The following VTI1B variants were observed in gnomAD, a reference collection of about 807,000 sequenced individuals.
VTI1B encodes the protein vesicle transport through interaction with t-SNAREs 1B.
Under a neutral mutation model 28.6 loss-of-function variants are expected in VTI1B, and 18 were observed. That is an observed-to-expected ratio of 0.63 (90% CI 0.43 to 0.93). The LOEUF (loss-of-function observed/expected upper bound fraction) is 0.93, where lower values mean the gene tolerates loss of function less well. VTI1B is among the 40% of genes least tolerant of loss of function. VTI1B has a pLI of 0.00. For missense variants in VTI1B, 283 were observed against 297.0 expected (o/e 0.95, Z 0.35); for synonymous variants, 100 against 107.9 (o/e 0.93, Z 0.46).
intron 1 of VTI1B, among the ~76,000 whole-genome samples, chr14:67,673,414 T>C (rs1201871673): frequency 6.6e-6 from 1 of 152,206 alleles, no homozygotes; most frequent in Non-Finnish European, 1.5e-5. Flanking sequence ...TGATTTACTT[T>C]CCTGTATTCT....
rs3742879 is a variant in VTI1B at position 67,648,284 on chromosome 14, A to G, written c.*3101T>C. On this transcript the variant is annotated 3_prime_UTR_variant, in exon 6 of 6. Coordinates refer to ENST00000554659, the MANE Select transcript of VTI1B (RefSeq NM_006370.3). ...TTTCTGCTATTCCACATCATTGCAG[A>G]GTTTGTTTTTGCTTAAACTTTTGTA... 0.27 allele frequency: 365,652 copies of G among 1,362,416 alleles called. 55,030 individuals are homozygous for G. The highest frequency in any genetic ancestry group is 0.31 in the Non-Finnish European group (313,121 of 1,012,322). 84.4% of individuals were successfully genotyped at this position (1,362,416 alleles called of 1,614,324 possible).
At chr14:67,663,314 T>C in intron 1 of VTI1B, 1 of 638,850 alleles carries the variant, frequency 1.6e-6, no homozygotes, top group Admixed American at 3.5e-5. Context: ...GATAGCAAGT[T>C]TCATTTTTAA....
chr14:67,657,621 CA>C (rs1459029798), intron 3 of VTI1B, among the ~76,000 whole-genome samples: 2 of 138,168 alleles, frequency 1.4e-5, no homozygotes, highest in Non-Finnish European at 3.0e-5. Flanking sequence ...CACACACACA[CA>C]CCCAAAATCA....
chr14:67,648,086 A>G lies in VTI1B; in HGVS notation c.*3299T>C. ...TCCATTTGAGTTTTGATATTGATGC[A>G]TTTGACCCTACACTGGCTCCAGCCA... On this transcript the variant is annotated 3_prime_UTR_variant, in exon 6 of 6. Transcript: ENST00000554659. The G allele has an allele frequency of 6.2e-7, 1 of 1,613,834 alleles. No individual in the cohort carries two copies. The highest frequency in any genetic ancestry group is 8.5e-7 in the Non-Finnish European group (1 of 1,179,820).
intron 3 of VTI1B, among the ~76,000 whole-genome samples, chr14:67,658,586 G>A (rs1371529682): frequency 6.6e-6 from 1 of 151,930 alleles, no homozygotes; most frequent in Non-Finnish European, 1.5e-5. Context: ...GACAGAGCGA[G>A]ACTCCGTCTC....
chr14:67,660,940 A>G (rs538237996), intron 2 of VTI1B, among the ~76,000 whole-genome samples: 2 of 152,338 alleles, frequency 1.3e-5, no homozygotes, highest in East Asian at 3.9e-4. Flanking sequence ...AAAAGCTCCC[A>G]GTACTCCCAT....
rs1469401058 is a variant in VTI1B at position 67,648,008 on chromosome 14, G to A, written c.*3377C>T. The A allele has an allele frequency of 1.3e-6, 2 of 1,541,730 alleles. No individual in the cohort carries two copies. The highest frequency in any genetic ancestry group is 1.4e-5 in the African/African-American group (1 of 72,690). On this transcript the variant is annotated 3_prime_UTR_variant, in exon 6 of 6. Coordinates refer to ENST00000554659, the MANE Select transcript of VTI1B (RefSeq NM_006370.3). ...TGAGTGTCCAAGGACAACCAGTTAA[G>A]TATTATTTTAAGTATTATTTTATCC...
At chr14:67,658,789 G>A (rs1045235910) in intron 3 of VTI1B, among the ~76,000 whole-genome samples, 24 of 152,076 alleles carry the variant, frequency 1.6e-4, no homozygotes, top group Non-Finnish European at 2.6e-4. Context: ...AATCCCTCGC[G>A]CATCCATTTG....
At chr14:67,671,112 G>A (rs969126524) in intron 1 of VTI1B, among the ~76,000 whole-genome samples, 2 of 152,202 alleles carry the variant, frequency 1.3e-5, no homozygotes, top group Admixed American at 6.5e-5. Context: ...AACATTTATT[G>A]AGCAGTGTGA....
chr14:67,657,151 AC>A, intron 3 of VTI1B: 1 of 152,092 alleles, frequency 6.6e-6, no homozygotes, highest in East Asian at 1.9e-4. Flanking sequence ...CCAAGTACTA[AC>A]CTGGCCTGAC....
chr14:67,654,138 A>T (rs376925758), intron 4 of VTI1B, among the ~76,000 whole-genome samples: 1 of 151,942 alleles, frequency 6.6e-6, no homozygotes, highest in African/African-American at 2.4e-5. Context: ...ACAGGGTCTC[A>T]CTCCGTCACT....
chr14:67,665,376 A>G (rs2037389477), intron 1 of VTI1B, among the ~76,000 whole-genome samples: 1 of 151,436 alleles, frequency 6.6e-6, no homozygotes, highest in Non-Finnish European at 1.5e-5. Flanking sequence ...TGCTCAAGCA[A>G]TTCTCCTGCC....
At chr14:67,659,597 G>T in intron 3 of VTI1B, 134 bp downstream of exon 3, 1 of 889,704 alleles carries the variant, frequency 1.1e-6, no homozygotes, top group Non-Finnish European at 1.6e-6. Flanking sequence ...ATGCAGAAAA[G>T]AGGATAAGGG....
chr14:67,651,364 C>T lies in VTI1B; in HGVS notation c.*21G>A. On this transcript the variant is annotated 3_prime_UTR_variant, in exon 6 of 6. Coordinates refer to ENST00000554659, the MANE Select transcript of VTI1B (RefSeq NM_006370.3). ...TTCACAAGGTCAAAGTTCTGGTCCA[C>T]AAACCCTTCCCTATAGAAGTTCAAT... 2 of 1,613,304 alleles carry T rather than the reference C, an allele frequency of 1.2e-6. No homozygotes were observed. The highest frequency in any genetic ancestry group is 1.7e-6 in the Non-Finnish European group (2 of 1,179,424).
chr14:67,666,482 T>G lies in VTI1B; in HGVS notation c.116-3947A>C, dbSNP rs544878545. Among the ~76,000 whole-genome samples the G allele has an allele frequency of 2.6e-5, 4 of 152,356 alleles. No homozygotes were observed. The East Asian group carries it at 7.7e-4, about 29-fold the overall frequency. On this transcript the variant is annotated intron_variant, in intron 1 of 5. Coordinates refer to ENST00000554659, the MANE Select transcript of VTI1B (RefSeq NM_006370.3). ...TTCACTACATTTATGAGATCCTTTC[T>G]GGACTTCTAAGATTTAAAACAAAAC... is the stretch of plus-strand genomic sequence containing the variant.
At position 67,674,526 on chromosome 14, in the gene VTI1B, C is replaced by T; in HGVS notation, c.-37G>A. 6.4e-7 allele frequency: 1 copy of T among 1,551,716 alleles called. No homozygotes were observed. The highest frequency in any genetic ancestry group is 1.9e-5 in the Admixed American group (1 of 51,572). ...CGCTGGAGCAGCGGCCACCGAGATTCGGGGCCCTGGGCCCTTTCCTAGCCC... is the reference window on the plus strand; with the variant it reads ...CGCTGGAGCAGCGGCCACCGAGATTTGGGGCCCTGGGCCCTTTCCTAGCCC... On this transcript the variant is annotated 5_prime_UTR_variant, in exon 1 of 6. Coordinates refer to ENST00000554659, the MANE Select transcript of VTI1B (RefSeq NM_006370.3).
intron 1 of VTI1B, chr14:67,663,312 G>C: frequency 1.6e-6 from 1 of 639,166 alleles, no homozygotes; most frequent in Non-Finnish European, 2.6e-6. Flanking sequence ...ATGATAGCAA[G>C]TTTCATTTTT....
chr14:67,649,309 C>G lies in VTI1B; in HGVS notation c.*2076G>C, dbSNP rs1211687384. 1 of 151,964 alleles carries G rather than the reference C, an allele frequency of 6.6e-6. No individual in the cohort carries two copies. Among genetic ancestry groups the G allele is most frequent in the Non-Finnish European group, 1.5e-5 (1 of 68,004 alleles). The allele number at this position is 151,964 out of a possible 1,614,324, so 9.4% of individuals were successfully genotyped here. A position where few individuals can be genotyped will look rare whatever the true frequency, so the allele number is the denominator to read the frequency against. On this transcript the variant is annotated 3_prime_UTR_variant, in exon 6 of 6. Coordinates refer to ENST00000554659, the MANE Select transcript of VTI1B (RefSeq NM_006370.3). ...GGCCAAGGCAAGAGGATTACTTGAC[C>G]CCAGGGGTTCAAGACCAGCGTGGGC...
At chr14:67,669,779 A>G (rs1225887359) in intron 1 of VTI1B, among the ~76,000 whole-genome samples, 1 of 152,032 alleles carries the variant, frequency 6.6e-6, no homozygotes, top group African/African-American at 2.4e-5. Flanking sequence ...CCTCATATCC[A>G]TTGAGGCTGG....
Sources: gnomAD v4.1 joint callset for allele counts (sites outside exome capture counted in the v4.1 genomes callset) on GRCh38, gnomAD v4.1.1 for gene constraint, MANE v1.5 for transcripts, NCBI Gene and HGNC (gene_info 2026-07-23, HGNC 2026-07-21) for gene names.